Variants in RBM44 observed in about 807,000 individuals in gnomAD.
The protein encoded by RBM44 is RNA-binding protein 44.
In RBM44, 66 loss-of-function variants were observed where a neutral mutation model predicts 105.1. That is an observed-to-expected ratio of 0.63 (90% CI 0.52 to 0.77). The LOEUF (loss-of-function observed/expected upper bound fraction) is 0.77, where lower values mean the gene tolerates loss of function less well. Among genes scored for constraint, RBM44 ranks in the 30% least tolerant of loss-of-function variants. The pLI is 0.00. For missense variants in RBM44, 1,122 were observed against 1,207.8 expected (o/e 0.93, Z 1.05); for synonymous variants, 365 against 417.6 (o/e 0.87, Z 1.54).
intron 12 of RBM44, among the ~76,000 whole-genome samples, chr2:237,828,549 G>A (rs1342850788): frequency 6.6e-6 from 1 of 151,998 alleles, no homozygotes; most frequent in Admixed American, 6.6e-5. Context: ...GTACAATTAA[G>A]TGCAAAACTA....
intron 12 of RBM44, 89 bp downstream of exon 12, chr2:237,827,592 A>G: frequency 1.3e-6 from 1 of 775,564 alleles, no homozygotes; most frequent in Non-Finnish European, 2.1e-6. Context: ...CAGTGGTGAT[A>G]AAGTCAAGGG....
chr2:237,820,593 A>C (rs1451397976), intron 5 of RBM44: 2 of 326,918 alleles, frequency 6.1e-6, no homozygotes, highest in Non-Finnish European at 1.1e-5. Context: ...AGTTCAAGTA[A>C]GGATGAACTT....
Position 237,833,996 on chromosome 2 carries a change from G to A in RBM44, c.2887-1G>A, listed in dbSNP as rs1190652539. On this transcript the variant is annotated splice_acceptor_variant, in intron 13 of 15. Coordinates refer to ENST00000316997, the MANE Select transcript of RBM44 (RefSeq NM_001080504.3). LOFTEE classifies it high-confidence loss of function. The stretch of plus-strand genomic sequence containing the variant: ...AGAAAACTTTTTAAATGCTTATTTA[G>A]GGTGTCAAGAAGAATTGTAAGCAGA... 1.3e-6 allele frequency: 2 copies of A among 1,511,780 alleles called. No individual in the cohort carries two copies. Among genetic ancestry groups the A allele is most frequent in the Admixed American group, 2.1e-5 (1 of 47,648 alleles). The allele number at this position is 1,511,780 out of a possible 1,614,324, so 93.6% of individuals were successfully genotyped here.
At chr2:237,828,921 T>G (rs1441280767) in intron 12 of RBM44, among the ~76,000 whole-genome samples, 1 of 151,486 alleles carries the variant, frequency 6.6e-6, no homozygotes, top group Non-Finnish European at 1.5e-5. Flanking sequence ...ACCACTAATC[T>G]CTGCAACTCT....
chr2:237,817,339 AGAG>A lies in RBM44; in HGVS notation c.425_427del (p.Glu142del). 6.2e-7 allele frequency: 1 copy of A among 1,602,334 alleles called. No homozygotes were observed. Among genetic ancestry groups the A allele is most frequent in the Non-Finnish European group, 8.5e-7 (1 of 1,175,390 alleles). On this transcript the variant is annotated inframe_deletion, in exon 3 of 16. Coordinates refer to ENST00000316997, the MANE Select transcript of RBM44 (RefSeq NM_001080504.3). ...AATTAGATCCTGAAGTGCAGAAAAA[AGAG>A]GAGGTTTTTTTTAATATTTTGGAAC...
intron 1 of RBM44, among the ~76,000 whole-genome samples, chr2:237,809,166 T>G (rs2061629796): frequency 6.6e-6 from 1 of 152,136 alleles, no homozygotes; most frequent in East Asian, 1.9e-4. Flanking sequence ...AGTCTATATA[T>G]TTTTTTAATA....
chr2:237,812,699 A>C (rs1398454021), intron 1 of RBM44, among the ~76,000 whole-genome samples: 1 of 152,154 alleles, frequency 6.6e-6, no homozygotes, highest in Non-Finnish European at 1.5e-5. Context: ...CTCAGCTTTT[A>C]GGGGTATGGA....
Position 237,829,427 on chromosome 2 carries a change from C to A in RBM44, c.2811C>A (p.Ser937=). 4 of 1,613,732 alleles carry A rather than the reference C, an allele frequency of 2.5e-6. No homozygotes were observed. The highest frequency in any genetic ancestry group is 3.4e-6 in the Non-Finnish European group (4 of 1,179,714). Residue 937 remains serine (S), a synonymous_variant, in exon 13 of 16, where the codon TCC becomes TCA. Coordinates refer to ENST00000316997, the MANE Select transcript of RBM44 (RefSeq NM_001080504.3). The stretch of plus-strand genomic sequence containing the variant: ...ACAAACAAATCCACTCAGAATTCTC[C>A]ATTTCTAGATTGCCCAGAACTAGGC... The part of the protein sequence containing the change: ...STNKQIHSEF[S]ISRLPRTRPR...
In RBM44 at chr2:237,813,643, G is replaced by A. The variant is rs1553726294; in HGVS notation, c.34G>A (p.Gly12Ser). 6.2e-7 allele frequency: 1 copy of A among 1,611,604 alleles called. No homozygotes were observed. Among genetic ancestry groups the A allele is most frequent in the South Asian group, 1.1e-5 (1 of 91,004 alleles). ...QATAVVETAS[G>S]KGYHSNGGNL... The stretch of plus-strand genomic sequence containing the variant: ...CACTGCAGTGGTGGAGACAGCATCT[G>A]GTAAAGGCTACCACAGTAATGGAGG... The change falls in exon 2 of 16, where the codon GGT becomes AGT. Residue 12 changes from glycine (G) to serine (S), a missense_variant. By Grantham distance (56) the Gly-to-Ser change is moderately conservative (BLOSUM62 0). Coordinates refer to ENST00000316997, the MANE Select transcript of RBM44 (RefSeq NM_001080504.3).
intron 1 of RBM44, among the ~76,000 whole-genome samples, chr2:237,812,645 G>A (rs1254914503): frequency 2.0e-5 from 3 of 152,022 alleles, no homozygotes; most frequent in African/African-American, 7.2e-5. Context: ...AAATTCATCA[G>A]GAACCTTTGT....
At chr2:237,801,788 A>G (rs1436353503) in intron 1 of RBM44, among the ~76,000 whole-genome samples, 2 of 152,004 alleles carry the variant, frequency 1.3e-5, no homozygotes, top group Non-Finnish European at 2.9e-5. Flanking sequence ...CTTGACCATC[A>G]TTTACTTTTT....
intron 1 of RBM44, among the ~76,000 whole-genome samples, chr2:237,800,597 A>G (rs533017063): frequency 7.9e-5 from 12 of 152,332 alleles, no homozygotes; most frequent in African/African-American, 2.9e-4. Flanking sequence ...TTAAAATTTT[A>G]CTTAAGTAAC....
chr2:237,810,844 T>C (rs2061651568), intron 1 of RBM44, among the ~76,000 whole-genome samples: 1 of 152,176 alleles, frequency 6.6e-6, no homozygotes. Context: ...GGTGGCATTT[T>C]TGGCCCTCCA....
At chr2:237,836,548 G>A (rs1209957711) in intron 15 of RBM44, among the ~76,000 whole-genome samples, 3 of 152,072 alleles carry the variant, frequency 2.0e-5, no homozygotes, top group South Asian at 2.1e-4. Context: ...TTGGGAGGCC[G>A]AGGCGGGTGG....
chr2:237,818,381 C>A lies in RBM44; in HGVS notation c.1462C>A (p.Pro488Thr). ...FTTSRATSAR[P>T]SVVSTSSNTE... ...AACCAGCAGGGCAACAAGTGCAAGA[C>A]CTTCTGTAGTATCTACATCAAGCAA... is the stretch of plus-strand genomic sequence containing the variant. The change falls in exon 3 of 16, where the codon CCT (proline) becomes ACT (threonine). Residue 488 changes from proline to threonine, a missense_variant. Coordinates refer to ENST00000316997, the MANE Select transcript of RBM44 (RefSeq NM_001080504.3). The surrounding 1 kb of genome is among the most constrained non-coding windows in gnomAD (Gnocchi z 4.6). 2 of 1,612,976 alleles carry A rather than the reference C, an allele frequency of 1.2e-6. No homozygotes were observed. The highest frequency in any genetic ancestry group is 1.7e-6 in the Non-Finnish European group (2 of 1,179,448).
chr2:237,823,546 G>T lies in RBM44; in HGVS notation c.2312G>T (p.Gly771Val). Residue 771 changes from glycine to valine, a missense_variant, in exon 9 of 16, where the codon GGT (glycine) becomes GTT (valine). Physicochemically the swap from Gly to Val is moderately radical, Grantham distance 109 (BLOSUM62 -3). Coordinates refer to ENST00000316997, the MANE Select transcript of RBM44 (RefSeq NM_001080504.3). ...INADFSQLKL[G>V]DKDCRHYQET... ...GCAGACTTTAGTCAACTGAAACTTGGTGATAAAGGTTAGTATAAAAATGTG... is the reference window on the plus strand; with the variant it reads ...GCAGACTTTAGTCAACTGAAACTTGTTGATAAAGGTTAGTATAAAAATGTG... 1.4e-6 allele frequency: 2 copies of T among 1,424,142 alleles called. No homozygotes were observed. The highest frequency in any genetic ancestry group is 1.9e-6 in the Non-Finnish European group (2 of 1,031,426). The allele number at this position is 1,424,142 out of a possible 1,614,324, so 88.2% of individuals were successfully genotyped here.
intron 1 of RBM44, among the ~76,000 whole-genome samples, chr2:237,799,683 G>C (rs2061526338): frequency 6.6e-6 from 1 of 152,208 alleles, no homozygotes; most frequent in East Asian, 1.9e-4. Context: ...ACAGAGCCCG[G>C]ACCGTTGTAG....
At chr2:237,814,285 G>T (rs953414781) in intron 2 of RBM44, among the ~76,000 whole-genome samples, 1 of 152,144 alleles carries the variant, frequency 6.6e-6, no homozygotes, top group East Asian at 1.9e-4. Flanking sequence ...TAGTAGTAAA[G>T]AGCATAATCA....
At chr2:237,801,825 A>G (rs1052418103) in intron 1 of RBM44, among the ~76,000 whole-genome samples, 1 of 152,062 alleles carries the variant, frequency 6.6e-6, no homozygotes, top group Non-Finnish European at 1.5e-5. Context: ...ACCTTTATTA[A>G]TGCAACTGTG....
Sources: allele counts gnomAD v4.1 joint callset (sites outside exome capture counted in the v4.1 genomes callset), GRCh38; gene constraint gnomAD v4.1.1; non-coding constraint Gnocchi (gnomAD v3.1); transcripts MANE v1.5; gene names NCBI Gene and HGNC (gene_info 2026-07-23, HGNC 2026-07-21).